Variants in DOCK1 observed in about 807,000 individuals in gnomAD.
The protein encoded by DOCK1 is dedicator of cytokinesis protein 1.
DOCK1 carries 138 observed loss-of-function variants against 262.7 expected under a neutral mutation model. The observed-to-expected ratio is 0.53, with a 90% CI of 0.46 to 0.61. The LOEUF is 0.61. Among genes scored for constraint, DOCK1 ranks in the 20% least tolerant of loss-of-function variants. DOCK1 has a pLI of 0.00. For synonymous variants in DOCK1, 866 were observed against 867.4 expected (o/e 1.00, Z 0.03); for missense variants, 1,908 against 2,370.7 (o/e 0.80, Z 4.05).
At chr10:127,157,384 G>A (rs1469560453) in intron 27 of DOCK1, among the ~76,000 whole-genome samples, 2 of 152,250 alleles carry the variant, frequency 1.3e-5, no homozygotes, top group African/African-American at 4.8e-5. Context: ...ATGAGGACAT[G>A]TGTATAAAAT....
intron 25 of DOCK1, among the ~76,000 whole-genome samples, chr10:127,119,464 C>T (rs751122551): frequency 3.5e-4 from 54 of 152,194 alleles, no homozygotes; most frequent in Non-Finnish European, 5.4e-4. Context: ...GATGGCTCTG[C>T]GATTCCTTCC....
intron 23 of DOCK1, among the ~76,000 whole-genome samples, chr10:127,075,169 CAAAAAAAAAAAAAA>C (rs71032536): frequency 2.5e-4 from 16 of 64,322 alleles, no homozygotes; most frequent in African/African-American, 3.5e-4. Context: ...AACTCTGTCT[CAAAAAAAAAAAAAA>C]AAAAAAAAAA....
intron 27 of DOCK1, among the ~76,000 whole-genome samples, chr10:127,131,376 A>G (rs2050315997): frequency 1.3e-5 from 2 of 152,064 alleles, no homozygotes. Flanking sequence ...GTAAAGAAGT[A>G]AAAAAAATCC....
chr10:127,417,997 G>A (rs1285573246), intron 44 of DOCK1, among the ~76,000 whole-genome samples: 2 of 150,854 alleles, frequency 1.3e-5, no homozygotes, highest in East Asian at 3.9e-4. Context: ...CAAAATTCCC[G>A]AACATCTTCT....
chr10:127,075,143 T>G (rs1231814324), intron 23 of DOCK1, among the ~76,000 whole-genome samples: 1 of 115,390 alleles, frequency 8.7e-6, no homozygotes, highest in Non-Finnish European at 1.6e-5. Flanking sequence ...CACTCCAGCC[T>G]GGGCAACAAG....
At chr10:127,410,483 GA>G (rs2067779099) in intron 42 of DOCK1, among the ~76,000 whole-genome samples, 1 of 152,122 alleles carries the variant, frequency 6.6e-6, no homozygotes, top group Non-Finnish European at 1.5e-5. Context: ...TTGTAGATCT[GA>G]AACTAAGGTA....
intron 1 of DOCK1, among the ~76,000 whole-genome samples, chr10:126,934,280 A>G (rs1352742418): frequency 1.3e-5 from 2 of 152,176 alleles, no homozygotes; most frequent in Non-Finnish European, 2.9e-5. Flanking sequence ...CTGCCTTGTC[A>G]TTTGTGCTTC....
intron 28 of DOCK1, among the ~76,000 whole-genome samples, chr10:127,249,093 G>C (rs1266551698): frequency 1.3e-5 from 2 of 152,098 alleles, no homozygotes; most frequent in African/African-American, 4.8e-5. Flanking sequence ...CGCTGTAAAA[G>C]AATACTCATA....
chr10:127,063,832 T>C (rs945675687), intron 23 of DOCK1, among the ~76,000 whole-genome samples: 2 of 152,188 alleles, frequency 1.3e-5, no homozygotes, highest in African/African-American at 4.8e-5. Flanking sequence ...GGGAAGACCA[T>C]GCTTCAGTGG....
chr10:127,166,762 G>C (rs2133771200), intron 27 of DOCK1, among the ~76,000 whole-genome samples: 1 of 152,244 alleles, frequency 6.6e-6, no homozygotes, highest in East Asian at 1.9e-4. Context: ...TTGAAAATTA[G>C]AACTTGCATT....
intron 11 of DOCK1, 81 bp downstream of exon 11, chr10:127,008,885 T>G (rs1432313700): frequency 9.1e-6 from 11 of 1,208,146 alleles, no homozygotes; most frequent in Non-Finnish European, 1.3e-5. Flanking sequence ...TATAATTAAA[T>G]GGATAAACAT....
intron 45 of DOCK1, among the ~76,000 whole-genome samples, chr10:127,419,096 G>A (rs901367517): frequency 2.0e-5 from 3 of 152,166 alleles, no homozygotes; most frequent in African/African-American, 4.8e-5. Context: ...TGTAACTGGC[G>A]AGTTGAGTAG....
At chr10:127,338,893 C>T (rs1289604046) in intron 29 of DOCK1, 113 bp from the exon 30 acceptor site, 1 of 893,004 alleles carries the variant, frequency 1.1e-6, no homozygotes, top group Non-Finnish European at 1.7e-6. Context: ...TTGCGCAAGA[C>T]TTGGAGAGTT....
chr10:127,317,289 G>A (rs1217998147), intron 29 of DOCK1, among the ~76,000 whole-genome samples: 2 of 152,200 alleles, frequency 1.3e-5, no homozygotes, highest in Non-Finnish European at 2.9e-5. Flanking sequence ...TTTGGACTAG[G>A]AGAGTGACTT....
At chr10:127,019,771 C>T (rs1016850708) in intron 13 of DOCK1, among the ~76,000 whole-genome samples, 2 of 152,138 alleles carry the variant, frequency 1.3e-5, no homozygotes, top group Admixed American at 1.3e-4. Context: ...ACTTGAACCA[C>T]GTGAGGCTCT....
In DOCK1 at chr10:127,026,378, C is replaced by T. The variant is rs774326772; in HGVS notation, c.1578C>T (p.Asn526=). Residue 526 remains asparagine, a synonymous_variant, in exon 16 of 52, where the codon AAC becomes AAT. Coordinates refer to ENST00000623213, the MANE Select transcript of DOCK1 (RefSeq NM_001290223.2). The part of the protein sequence containing the change: ...VKVAIPIEDV[N]RSHLRFTFRH... ...TGGCCATTCCCATCGAGGACGTTAACCGCAGTCACCTTCGGTTTACCTTCC... is the reference window on the plus strand; with the variant it reads ...TGGCCATTCCCATCGAGGACGTTAATCGCAGTCACCTTCGGTTTACCTTCC... The T allele has an allele frequency of 6.4e-7, 1 of 1,574,710 alleles. No individual in the cohort carries two copies. Among genetic ancestry groups the T allele is most frequent in the Non-Finnish European group, 8.6e-7 (1 of 1,158,632 alleles).
chr10:126,948,610 G>T (rs1170095594), intron 1 of DOCK1, among the ~76,000 whole-genome samples: 9 of 151,974 alleles, frequency 5.9e-5, no homozygotes, highest in African/African-American at 2.2e-4. Context: ...CCAGGCCACA[G>T]ATGGAGAAGG....
chr10:127,077,998 C>A (rs2046669878), intron 23 of DOCK1, among the ~76,000 whole-genome samples: 1 of 152,018 alleles, frequency 6.6e-6, no homozygotes, highest in Non-Finnish European at 1.5e-5. Flanking sequence ...TGGAGGCAGG[C>A]AGCCTCGTTC....
chr10:127,155,382 TC>T (rs1391172473), intron 27 of DOCK1, among the ~76,000 whole-genome samples: 1 of 152,168 alleles, frequency 6.6e-6, no homozygotes, highest in Non-Finnish European at 1.5e-5. Flanking sequence ...CATATTCTGC[TC>T]CAAAGTGTTG....
Sources: gnomAD v4.1 joint callset for allele counts (sites outside exome capture counted in the v4.1 genomes callset) on GRCh38, gnomAD v4.1.1 for gene constraint, MANE v1.5 for transcripts, NCBI Gene and HGNC (gene_info 2026-07-23, HGNC 2026-07-21) for gene names.